The following CCDC97 variants were observed in gnomAD, a reference collection of about 807,000 sequenced individuals.
The protein encoded by CCDC97 is coiled-coil domain containing 97.
CCDC97 carries 27 observed loss-of-function variants against 33.9 expected under a neutral mutation model. That is an observed-to-expected ratio of 0.80 (90% CI 0.59 to 1.10). The LOEUF is 1.10. Among genes scored for constraint, CCDC97 ranks in the 50% least tolerant of loss-of-function variants. CCDC97 has a pLI of 0.00. For missense variants in CCDC97, 422 were observed against 476.6 expected (o/e 0.89, Z 1.07); for synonymous variants, 217 against 194.0 (o/e 1.12, Z -0.99).
At chr19:41,314,955 A>G (rs2037727435) in intron 1 of CCDC97, among the ~76,000 whole-genome samples, 1 of 151,410 alleles carries the variant, frequency 6.6e-6, no homozygotes, top group Non-Finnish European at 1.5e-5. Flanking sequence ...TGGGCAACCT[A>G]GTGAGACCTT....
intron 3 of CCDC97, 35 bp downstream of exon 3, chr19:41,319,887 G>C (rs776311603): frequency 1.9e-6 from 2 of 1,033,030 alleles, no homozygotes; most frequent in Middle Eastern, 2.5e-4. Context: ...CCAGATTCCA[G>C]ACACCCCAGC....
chr19:41,311,289 A>C lies in CCDC97; in HGVS notation c.46+933A>C, dbSNP rs13344123. Among the ~76,000 whole-genome samples the C allele has an allele frequency of 7.7e-3, 1,170 of 152,070 alleles. 13 individuals carry two copies. Among genetic ancestry groups the C allele is most frequent in the African/African-American group, 0.027 (1,107 of 41,444 alleles). On this transcript the variant is annotated intron_variant, in intron 1 of 4. Transcript: ENST00000269967. ...GCTAGGACAAGCTACTCAGGAGACT[A>C]AGGTGGGAGTGTCACTCGAATCCTT...
At chr19:41,321,469 G>C (rs1474851313) in intron 4 of CCDC97, among the ~76,000 whole-genome samples, 2 of 152,258 alleles carry the variant, frequency 1.3e-5, no homozygotes, top group African/African-American at 4.8e-5. Flanking sequence ...CGTGCATTCA[G>C]TTGGCATGTG....
In CCDC97 at chr19:41,316,420, T is replaced by C; in HGVS notation, c.83T>C (p.Leu28Pro). Residue 28 changes from leucine to proline, a missense_variant, in exon 2 of 5, where the codon CTG (leucine) becomes CCG (proline). Transcript: ENST00000269967. Reference sequence around the variant, plus strand: ...CCTGGACCTGGGCACTGGGGTGAGCTGAGCCGGACACCAGTCCCATCTAAA... The same window carrying C: ...CCTGGACCTGGGCACTGGGGTGAGCCGAGCCGGACACCAGTCCCATCTAAA... ...IEPGPGHWGE[L>P]SRTPVPSKPQ... 1 of 1,613,866 alleles carries C rather than the reference T, an allele frequency of 6.2e-7. No homozygotes were observed. Among genetic ancestry groups the C allele is most frequent in the Non-Finnish European group, 8.5e-7 (1 of 1,179,792 alleles).
At chr19:41,310,381 G>A in intron 1 of CCDC97, 25 bp downstream of exon 1, 1 of 1,596,744 alleles carries the variant, frequency 6.3e-7, no homozygotes. Flanking sequence ...ACGCGCAGGC[G>A]GCGGGTGGGT....
intron 2 of CCDC97, among the ~76,000 whole-genome samples, chr19:41,318,573 G>T (rs965665917): frequency 2.0e-5 from 3 of 152,206 alleles, no homozygotes; most frequent in Admixed American, 2.0e-4. Flanking sequence ...CAGAGGCCAG[G>T]AGTCCGAGCA....
At chr19:41,320,626 G>A (rs1223987232) in intron 4 of CCDC97, 156 bp downstream of exon 4, 1 of 918,564 alleles carries the variant, frequency 1.1e-6, no homozygotes, top group Non-Finnish European at 1.6e-6. Context: ...CAAAGGAAGA[G>A]GCTGGGTGAC....
intron 1 of CCDC97, chr19:41,310,699 A>C (rs1255999491): frequency 2.5e-6 from 3 of 1,179,402 alleles, no homozygotes; most frequent in Middle Eastern, 3.5e-4. Context: ...TTCTCAAATT[A>C]CCTCCTTCCC....
At chr19:41,319,205 A>T (rs1486080865) in intron 2 of CCDC97, among the ~76,000 whole-genome samples, 1 of 152,246 alleles carries the variant, frequency 6.6e-6, no homozygotes, top group East Asian at 1.9e-4. Flanking sequence ...GGATGCATGA[A>T]TACATGAATA....
chr19:41,322,494 G>A (rs1276525038), intron 4 of CCDC97, 101 bp from the exon 5 acceptor site: 2 of 1,334,672 alleles, frequency 1.5e-6, no homozygotes, highest in Non-Finnish European at 2.1e-6. Context: ...TCTGACGGCT[G>A]CCAGCACATG....
rs1439170125 is a variant in CCDC97, at chr19:41,310,208, C to G, written c.-103C>G. On this transcript the variant is annotated 5_prime_UTR_variant, in exon 1 of 5. Transcript: ENST00000269967. The stretch of plus-strand genomic sequence containing the variant: ...TTCGGTGCCTGGGCGCAGCGGTGCA[C>G]CCGGACCCGGAACATTCTCAGGCGA... The G allele has an allele frequency of 6.7e-7, 1 of 1,501,186 alleles. No individual in the cohort carries two copies. Among genetic ancestry groups the G allele is most frequent in the Non-Finnish European group, 9.1e-7 (1 of 1,104,880 alleles). The allele number at this position is 1,501,186 out of a possible 1,614,324, so 93.0% of individuals were successfully genotyped here.
chr19:41,316,503 T>C lies in CCDC97; in HGVS notation c.166T>C (p.Ser56Pro), dbSNP rs776221674. ...ACCAGTGGCCCTGGACAGTGACACC[T>C]CCGGGGCTGAAAATGCAGCAGTGAG... ...ATPVALDSDT[S>P]GAENAAVSAM... Residue 56 changes from serine (S) to proline (P), a missense_variant, in exon 2 of 5, where the codon TCC becomes CCC. Coordinates refer to ENST00000269967, the MANE Select transcript of CCDC97 (RefSeq NM_052848.3). 1.2e-6 allele frequency: 2 copies of C among 1,614,152 alleles called. No individual in the cohort carries two copies. The highest frequency in any genetic ancestry group is 1.7e-5 in the Admixed American group (1 of 60,020).
Position 41,320,481 on chromosome 19 carries a change from G to A in CCDC97, c.911+11G>A, listed in dbSNP as rs778818276. ...GGACTTTGACTACAGGTGCTCCTGT[G>A]CCTCCACCTCCCCATCCCCCAGCCC... On this transcript the variant is annotated intron_variant, in intron 4 of 4. Coordinates refer to ENST00000269967, the MANE Select transcript of CCDC97 (RefSeq NM_052848.3). 3.1e-6 allele frequency: 5 copies of A among 1,613,760 alleles called. No individual in the cohort carries two copies. In the South Asian group the frequency reaches 4.4e-5, roughly 14 times the overall value.
At position 41,316,387 on chromosome 19, in the gene CCDC97, G is replaced by A. The variant is rs949830756; in HGVS notation, c.50G>A (p.Cys17Tyr). Residue 17 changes from cysteine to tyrosine, a missense_variant, in exon 2 of 5, where the codon TGC (cysteine) becomes TAC (tyrosine). Physicochemically the swap from Cys to Tyr is radical, Grantham distance 194 (BLOSUM62 -2). Transcript: ENST00000269967. ...ATAAKEPDKG[C>Y]IEPGPGHWGE... ...AACCAATCTCTCCTTTCCTCAGGCT[G>A]CATAGAGCCTGGACCTGGGCACTGG... 1 of 1,607,926 alleles carries A rather than the reference G, an allele frequency of 6.2e-7. No individual in the cohort carries two copies. Among genetic ancestry groups the A allele is most frequent in the Non-Finnish European group, 8.5e-7 (1 of 1,175,076 alleles).
At chr19:41,315,451 AC>A (rs2037734545) in intron 1 of CCDC97, among the ~76,000 whole-genome samples, 1 of 151,792 alleles carries the variant, frequency 6.6e-6, no homozygotes, top group African/African-American at 2.4e-5. Flanking sequence ...TACTAAAAAT[AC>A]AAAAATTAAC....
At position 41,319,557 on chromosome 19, in the gene CCDC97, G is replaced by C. The variant is rs750054969; in HGVS notation, c.503-17G>C. 6.4e-7 allele frequency: 1 copy of C among 1,565,618 alleles called. No individual in the cohort carries two copies. The highest frequency in any genetic ancestry group is 8.7e-7 in the Non-Finnish European group (1 of 1,148,342). Reference sequence around the variant, plus strand: ...CAGTCGCTCACCCCATGCCCACCCTGTCTCTCCTCTGTGCAGGGGGCGAGT... The same window carrying C: ...CAGTCGCTCACCCCATGCCCACCCTCTCTCTCCTCTGTGCAGGGGGCGAGT... On this transcript the variant is annotated splice_polypyrimidine_tract_variant and intron_variant, in intron 2 of 4. Transcript: ENST00000269967.
At chr19:41,315,132 T>G (rs1336096962) in intron 1 of CCDC97, among the ~76,000 whole-genome samples, 1 of 151,102 alleles carries the variant, frequency 6.6e-6, no homozygotes, top group Non-Finnish European at 1.5e-5. Context: ...AAACCCTGTC[T>G]GTACTAAAAA....
chr19:41,320,475 T>C lies in CCDC97; in HGVS notation c.911+5T>C, dbSNP rs1274317685. 2 of 1,613,474 alleles carry C rather than the reference T, an allele frequency of 1.2e-6. No individual in the cohort carries two copies. The highest frequency in any genetic ancestry group is 1.7e-6 in the Non-Finnish European group (2 of 1,179,788). ...GGACGGGGACTTTGACTACAGGTGC[T>C]CCTGTGCCTCCACCTCCCCATCCCC... On this transcript the variant is annotated splice_donor_5th_base_variant and intron_variant, in intron 4 of 4. Coordinates refer to ENST00000269967, the MANE Select transcript of CCDC97 (RefSeq NM_052848.3).
intron 2 of CCDC97, among the ~76,000 whole-genome samples, chr19:41,318,449 C>T (rs2037776783): frequency 1.3e-5 from 2 of 152,154 alleles, no homozygotes; most frequent in Admixed American, 1.3e-4. Context: ...CAGAGCGAGA[C>T]TCCATCTCAA....
Sources: gnomAD v4.1 joint callset for allele counts (sites outside exome capture counted in the v4.1 genomes callset) on GRCh38, gnomAD v4.1.1 for gene constraint, MANE v1.5 for transcripts, NCBI Gene and HGNC (gene_info 2026-07-23, HGNC 2026-07-21) for gene names.